MCCC2: variants seen among roughly 807,000 people sequenced by gnomAD.
The protein encoded by MCCC2 is methylcrotonyl-CoA carboxylase subunit 2.
In MCCC2, 52 loss-of-function variants were observed where a neutral mutation model predicts 77.2. The ratio of observed to expected loss-of-function variants is 0.67; its 90% CI spans 0.54 to 0.85. The LOEUF (loss-of-function observed/expected upper bound fraction) is 0.85. MCCC2 is among the 40% of genes least tolerant of loss of function. The probability of loss-of-function intolerance (pLI) is 0.00; values close to 1 mark genes in which losing one functional copy is unlikely to be tolerated. For missense variants in MCCC2, 682 were observed against 703.2 expected, an observed-to-expected ratio of 0.97 and a Z score of 0.34; for synonymous variants, 253 against 248.4, an observed-to-expected ratio of 1.02 and a Z score of -0.18.
At chr5:71,601,474 T>C (rs1484399823) in intron 4 of MCCC2, among the ~76,000 whole-genome samples, 1 of 152,220 alleles carries the variant, frequency 6.6e-6, no homozygotes. Context: ...GTTTGCATTC[T>C]ACTCTATAAA....
chr5:71,621,352 AAAAG>A (rs2112395659), intron 6 of MCCC2, among the ~76,000 whole-genome samples: 1 of 152,268 alleles, frequency 6.6e-6, no homozygotes, highest in South Asian at 2.1e-4. Context: ...ATAAAAATAA[AAAAG>A]AAAGCAGACA....
intron 7 of MCCC2, among the ~76,000 whole-genome samples, chr5:71,627,982 T>A (rs1269532295): frequency 6.6e-6 from 1 of 152,154 alleles, no homozygotes; most frequent in East Asian, 1.9e-4. Context: ...TAGCTGGGAT[T>A]ACAGGTGCAC....
At chr5:71,656,025 G>C (rs1747568868) in intron 16 of MCCC2, among the ~76,000 whole-genome samples, 1 of 152,168 alleles carries the variant, frequency 6.6e-6, no homozygotes, top group African/African-American at 2.4e-5. Flanking sequence ...AACTGGCCTG[G>C]CCAACATGGC....
chr5:71,598,547 C>T (rs548687640), intron 3 of MCCC2, among the ~76,000 whole-genome samples: 1 of 151,548 alleles, frequency 6.6e-6, no homozygotes, highest in South Asian at 2.1e-4. Context: ...TCAGGTGATT[C>T]TCCTGCCTCA....
intron 6 of MCCC2, among the ~76,000 whole-genome samples, chr5:71,621,235 G>A (rs1233078437): frequency 6.6e-6 from 1 of 152,122 alleles, no homozygotes. Flanking sequence ...AGCTGGGCAC[G>A]GTGGCTCATG....
chr5:71,639,703 A>C (rs1747055902), intron 10 of MCCC2, among the ~76,000 whole-genome samples: 1 of 152,192 alleles, frequency 6.6e-6, no homozygotes, highest in South Asian at 2.1e-4. Flanking sequence ...ATGGTCCTAA[A>C]TTGCTGTGCC....
chr5:71,632,296 A>C, intron 8 of MCCC2, 111 bp downstream of exon 8: 1 of 964,696 alleles, frequency 1.0e-6, no homozygotes, highest in Non-Finnish European at 1.7e-6. Flanking sequence ...ACCACACCAC[A>C]GTTTATTTGT....
chr5:71,631,923 G>C (rs1010696858), intron 7 of MCCC2, among the ~76,000 whole-genome samples, 198 bp from the exon 8 acceptor site: 11 of 152,096 alleles, frequency 7.2e-5, no homozygotes, highest in Admixed American at 3.9e-4. Context: ...TGTGACTCTG[G>C]GCTTAGATTT....
intron 3 of MCCC2, among the ~76,000 whole-genome samples, chr5:71,598,692 G>A (rs1403832649): frequency 1.4e-5 from 2 of 147,196 alleles, no homozygotes; most frequent in African/African-American, 2.5e-5. Context: ...CTGACCTCAC[G>A]TGATCTACCT....
intron 6 of MCCC2, among the ~76,000 whole-genome samples, chr5:71,615,186 C>G (rs577221420): frequency 6.6e-6 from 1 of 152,308 alleles, no homozygotes; most frequent in South Asian, 2.1e-4. Context: ...CCAGGCTGGC[C>G]TTGAACTCCT....
chr5:71,610,383 C>T (rs1189797060), intron 6 of MCCC2, among the ~76,000 whole-genome samples: 1 of 152,220 alleles, frequency 6.6e-6, no homozygotes, highest in Non-Finnish European at 1.5e-5. Context: ...CTCCCTGACC[C>T]CTTGCGCTTC....
At chr5:71,633,133 T>TATATATATATATATATATATA (rs1561841506) in intron 8 of MCCC2, among the ~76,000 whole-genome samples, 1 of 113,020 alleles carries the variant, frequency 8.8e-6, no homozygotes, top group African/African-American at 4.2e-5. Context: ...ATATATATAT[T>TATATATATATATATATATATA]TTTATTTTTT....
At position 71,633,129 on chromosome 5, in the gene MCCC2, A is replaced by ATTT. The variant is rs1215619050; in HGVS notation, c.803+945_803+946insTTT. On this transcript the variant is annotated intron_variant, in intron 8 of 16. Coordinates refer to ENST00000340941, the MANE Select transcript of MCCC2 (RefSeq NM_022132.5). ...TATATATATATATATATATATATAT[A>ATTT]TATTTTTATTTTTTGTAGAAACAGG... is the stretch of plus-strand genomic sequence containing the variant. Among the ~76,000 whole-genome samples, 9 of 81,982 alleles carry ATTT rather than the reference A, an allele frequency of 1.1e-4. No individual in the cohort carries two copies. In the South Asian group the frequency reaches 2.6e-3, roughly 24 times the overall value. 53.8% of individuals were successfully genotyped at this position (81,982 alleles called of 152,430 possible). A position where few individuals can be genotyped will look rare whatever the true frequency, so the allele number is the denominator to read the frequency against.
intron 3 of MCCC2, among the ~76,000 whole-genome samples, chr5:71,598,100 G>A (rs1445933721): frequency 4.1e-5 from 6 of 146,916 alleles, no homozygotes; most frequent in Non-Finnish European, 7.5e-5. Context: ...TTGAGACGGA[G>A]TCTCACTCTG....
intron 6 of MCCC2, among the ~76,000 whole-genome samples, chr5:71,622,407 T>G (rs760973378): frequency 1.3e-4 from 20 of 152,212 alleles, no homozygotes; most frequent in Non-Finnish European, 2.5e-4. Flanking sequence ...TACTTATTTT[T>G]TTGACTCATT....
intron 7 of MCCC2, among the ~76,000 whole-genome samples, chr5:71,631,463 C>G (rs1309900051): frequency 6.6e-6 from 1 of 151,464 alleles, no homozygotes; most frequent in Non-Finnish European, 1.5e-5. Flanking sequence ...AACACACACA[C>G]AGACACAAAG....
intron 13 of MCCC2, 110 bp downstream of exon 13, chr5:71,646,387 T>G (rs1747275793): frequency 7.4e-6 from 7 of 943,500 alleles, no homozygotes; most frequent in Non-Finnish European, 1.2e-5. Context: ...GAGCAGGAAG[T>G]TCTACTGGAC....
intron 14 of MCCC2, 108 bp from the exon 15 acceptor site, chr5:71,649,961 A>G: frequency 1.2e-6 from 1 of 809,848 alleles, no homozygotes; most frequent in Admixed American, 2.0e-5. Context: ...GATGATTGTA[A>G]TGTGCAGCCA....
chr5:71,617,413 T>G (rs1039605398), intron 6 of MCCC2, among the ~76,000 whole-genome samples: 3 of 152,238 alleles, frequency 2.0e-5, no homozygotes, highest in Admixed American at 1.3e-4. Context: ...ACTAATTTCC[T>G]CTACTAGTCT....
Sources: gnomAD v4.1 joint callset for allele counts (sites outside exome capture counted in the v4.1 genomes callset) on GRCh38, gnomAD v4.1.1 for gene constraint, MANE v1.5 for transcripts, NCBI Gene and HGNC (gene_info 2026-07-23, HGNC 2026-07-21) for gene names.